Variants in IKBKB-DT observed in about 807,000 individuals in gnomAD.
The protein encoded by IKBKB-DT is IKBKB divergent transcript.
In IKBKB-DT at chr8:42,266,854, TA is replaced by T. The variant is rs370890481; in HGVS notation, n.604-459del. Among the ~76,000 whole-genome samples the T allele has an allele frequency of 9.7e-3, 1,478 of 152,154 alleles. 18 individuals carry two copies. Among genetic ancestry groups the T allele is most frequent in the African/African-American group, 0.033 (1,351 of 41,518 alleles). On this transcript the variant is annotated intron_variant and non_coding_transcript_variant, in intron 1 of 3. Transcript: ENST00000518213. Reference sequence around the variant, plus strand: ...CATCAGGAAGTTACCCTATTTGGTCTAAAAAAGGGAGGCATGAATAACCCAC... The same window carrying T: ...CATCAGGAAGTTACCCTATTTGGTCTAAAAAGGGAGGCATGAATAACCCAC...
At chr8:42,271,079 G>C (rs1290249126) in exon 1 of IKBKB-DT, 1 of 354,282 alleles carries the variant, frequency 2.8e-6, no homozygotes, top group Non-Finnish European at 5.2e-6. Flanking sequence ...CTTGTCTAAA[G>C]AGAACAGGGT....
intron 3 of IKBKB-DT, among the ~76,000 whole-genome samples, chr8:42,234,211 TA>T (rs1486600300): frequency 1.3e-5 from 2 of 152,220 alleles, no homozygotes; most frequent in African/African-American, 2.4e-5. Context: ...TCAGTTAAGT[TA>T]GACCTCTTTC....
intron 3 of IKBKB-DT, among the ~76,000 whole-genome samples, chr8:42,243,310 T>C (rs774378930): frequency 6.6e-6 from 1 of 152,226 alleles, no homozygotes; most frequent in South Asian, 2.1e-4. Context: ...CAGAGTTAGA[T>C]GAATTTGTAA....
chr8:42,249,224 C>G (rs1807099534), intron 3 of IKBKB-DT: 1 of 151,834 alleles, frequency 6.6e-6, no homozygotes, highest in South Asian at 2.1e-4. Context: ...GAAAAATTGG[C>G]CAGGTATGAT....
intron 3 of IKBKB-DT, among the ~76,000 whole-genome samples, chr8:42,235,244 A>G (rs1156443474): frequency 7.4e-5 from 9 of 121,534 alleles, no homozygotes; most frequent in African/African-American, 3.1e-4. Context: ...TCCCTCTGTC[A>G]CCCACGCTGG....
At chr8:42,237,204 A>G (rs1806937073) in intron 3 of IKBKB-DT, among the ~76,000 whole-genome samples, 1 of 151,556 alleles carries the variant, frequency 6.6e-6, no homozygotes. Flanking sequence ...CTCCTGCCTT[A>G]GCCTCCCGAG....
At chr8:42,243,756 T>G (rs1040034000) in intron 3 of IKBKB-DT, among the ~76,000 whole-genome samples, 4 of 152,230 alleles carry the variant, frequency 2.6e-5, no homozygotes, top group Non-Finnish European at 4.4e-5. Flanking sequence ...GTTCAGAACA[T>G]TAAAATAAGG....
At chr8:42,237,765 C>T (rs777670326) in intron 3 of IKBKB-DT, among the ~76,000 whole-genome samples, 2 of 152,030 alleles carry the variant, frequency 1.3e-5, no homozygotes, top group Middle Eastern at 3.4e-3. Flanking sequence ...TAGCTCACAC[C>T]TGTAACCCAG....
chr8:42,242,349 A>C (rs1301372774), intron 3 of IKBKB-DT, among the ~76,000 whole-genome samples: 1 of 152,220 alleles, frequency 6.6e-6, no homozygotes, highest in Non-Finnish European at 1.5e-5. Context: ...AATAGAACTA[A>C]TATCGTGGGG....
intron 3 of IKBKB-DT, chr8:42,255,625 T>G (rs1417198741): frequency 1.3e-5 from 2 of 152,230 alleles, no homozygotes; most frequent in Non-Finnish European, 2.9e-5. Flanking sequence ...TCGGATTATA[T>G]GTTCATTTTC....
intron 3 of IKBKB-DT, among the ~76,000 whole-genome samples, chr8:42,250,901 ATAT>A (rs1320888285): frequency 2.0e-5 from 3 of 152,196 alleles, no homozygotes; most frequent in Non-Finnish European, 4.4e-5. Context: ...ACAAAAAAAC[ATAT>A]TATGAAGTTA....
chr8:42,270,175 G>A (rs1412015765), intron 1 of IKBKB-DT, among the ~76,000 whole-genome samples: 1 of 152,094 alleles, frequency 6.6e-6, no homozygotes, highest in Non-Finnish European at 1.5e-5. Context: ...GCTCATCTAC[G>A]TAGCAGCCAT....
intron 3 of IKBKB-DT, among the ~76,000 whole-genome samples, chr8:42,247,329 G>T (rs1807076615): frequency 6.6e-6 from 1 of 152,184 alleles, no homozygotes; most frequent in Non-Finnish European, 1.5e-5. Context: ...CATAGGACCA[G>T]TGGCCCCTTG....
chr8:42,240,624 C>CA (rs1208809199), intron 3 of IKBKB-DT, among the ~76,000 whole-genome samples: 862 of 26,270 alleles, frequency 0.033, 145 homozygotes, highest in African/African-American at 0.095. Context: ...GACTCAGTCT[C>CA]AAAAAAAAAA....
intron 3 of IKBKB-DT, among the ~76,000 whole-genome samples, chr8:42,243,299 A>G (rs925865958): frequency 6.6e-6 from 1 of 152,378 alleles, no homozygotes; most frequent in Non-Finnish European, 1.5e-5. Flanking sequence ...GCATCTAAGC[A>G]CAGAGTTAGA....
At chr8:42,249,812 C>T (rs1359216240) in intron 3 of IKBKB-DT, among the ~76,000 whole-genome samples, 1 of 152,068 alleles carries the variant, frequency 6.6e-6, no homozygotes, top group Non-Finnish European at 1.5e-5. Context: ...CACGGTAGCT[C>T]ACACCTGTCA....
At chr8:42,258,044 A>G (rs1807230865) in intron 3 of IKBKB-DT, among the ~76,000 whole-genome samples, 1 of 151,956 alleles carries the variant, frequency 6.6e-6, no homozygotes, top group African/African-American at 2.4e-5. Context: ...TAAGACGCAG[A>G]TTTTTTTCCA....
chr8:42,234,313 C>G (rs1007624612), intron 3 of IKBKB-DT, among the ~76,000 whole-genome samples: 3 of 152,110 alleles, frequency 2.0e-5, no homozygotes, highest in African/African-American at 7.2e-5. Flanking sequence ...CCTCTCCTGC[C>G]CTGTTCCTGC....
chr8:42,235,946 G>A (rs1806914345), intron 3 of IKBKB-DT, among the ~76,000 whole-genome samples: 1 of 152,042 alleles, frequency 6.6e-6, no homozygotes, highest in African/African-American at 2.4e-5. Flanking sequence ...TGAACCGGGT[G>A]GGGGTTGGGG....
Sources: allele counts gnomAD v4.1 joint callset (sites outside exome capture counted in the v4.1 genomes callset), GRCh38; gene constraint gnomAD v4.1.1; transcripts MANE v1.5; gene names NCBI Gene and HGNC (gene_info 2026-07-23, HGNC 2026-07-21).